The following SRRT variants were observed in gnomAD, a reference collection of about 807,000 sequenced individuals.
The protein encoded by SRRT is serrate RNA effector molecule homolog.
A neutral mutation model predicts 103.2 loss-of-function variants in SRRT; 32 were observed. That is an observed-to-expected ratio of 0.31 (90% CI 0.23 to 0.42). The LOEUF (loss-of-function observed/expected upper bound fraction) is 0.42, where lower values mean the gene tolerates loss of function less well. SRRT is among the 10% of genes least tolerant of loss of function. The probability of loss-of-function intolerance (pLI) is 1.00; values close to 1 mark genes in which losing one functional copy is unlikely to be tolerated. For missense variants in SRRT, 986 were observed against 1,207.5 expected (o/e 0.82, Z 2.72); for synonymous variants, 525 against 449.0 (o/e 1.17, Z -2.14).
In SRRT at chr7:100,884,904, T is replaced by C. The variant is rs763934662; in HGVS notation, c.1042-19T>C. Reference sequence around the variant, plus strand: ...GGTTCTGGCACGCTGACTTGTCCCCTCTGCTGTGGCTCACACAGAGTAGCA... The same window carrying C: ...GGTTCTGGCACGCTGACTTGTCCCCCCTGCTGTGGCTCACACAGAGTAGCA... On this transcript the variant is annotated intron_variant, in intron 8 of 19. Coordinates refer to ENST00000611405, the MANE Select transcript of SRRT (RefSeq NM_015908.6). 2 of 1,613,898 alleles carry C rather than the reference T, an allele frequency of 1.2e-6. No homozygotes were observed. Among genetic ancestry groups the C allele is most frequent in the Non-Finnish European group, 1.7e-6 (2 of 1,179,904 alleles).
chr7:100,884,678 G>A, intron 7 of SRRT, 62 bp from the exon 8 acceptor site: 1 of 1,567,704 alleles, frequency 6.4e-7, no homozygotes, highest in Non-Finnish European at 8.8e-7. Flanking sequence ...GTGGGGGTGG[G>A]GGCCCTCTGA....
In SRRT at chr7:100,888,536, T is replaced by C. The variant is rs1790416611; in HGVS notation, c.2618T>C (p.Val873Ala). The C allele has an allele frequency of 3.1e-6, 5 of 1,614,076 alleles. No homozygotes were observed. Among genetic ancestry groups the C allele is most frequent in the Non-Finnish European group, 4.2e-6 (5 of 1,180,036 alleles). ...EYRDLDAPDDVDFF is the reference protein window; with the variant it reads ...EYRDLDAPDDADFF ...CGGGACCTGGATGCCCCAGACGATG[T>C]TGATTTCTTTTGAGCCGTCCCCCGT... Residue 873 changes from valine (V) to alanine (A), a missense_variant, in exon 20 of 20, where the codon GTT becomes GCT. Physicochemically the swap from Val to Ala is moderately conservative, Grantham distance 64 (BLOSUM62 0). This residue lies in a region of SRRT where 178 missense variants were observed against 189.6 expected (regional missense o/e 0.94). Transcript: ENST00000611405.
At chr7:100,883,022 CCCA>C (rs906023146) in intron 5 of SRRT, 1 of 152,272 alleles carries the variant, frequency 6.6e-6, no homozygotes, top group African/African-American at 2.4e-5. Context: ...CAGCCGGTGG[CCCA>C]CCAGCCAGCA....
chr7:100,881,791 G>C lies in SRRT; in HGVS notation c.384G>C (p.Leu128=), dbSNP rs1320235003. Residue 128 remains leucine, a synonymous_variant, in exon 4 of 20, where the codon CTG becomes CTC. Transcript: ENST00000611405. The stretch of plus-strand genomic sequence containing the variant: ...TCCACATCATGCAGCACCATGTCCT[G>C]CCTATCCAGGCCAGGTAAGGGTGGG... ...PDVHIMQHHV[L]PIQARLGSIA... 1 of 1,608,650 alleles carries C rather than the reference G, an allele frequency of 6.2e-7. No individual in the cohort carries two copies. The highest frequency in any genetic ancestry group is 8.5e-7 in the Non-Finnish European group (1 of 1,178,022).
At position 100,885,830 on chromosome 7, in the gene SRRT, C is replaced by A; in HGVS notation, c.1380-33C>A. On this transcript the variant is annotated intron_variant, in intron 11 of 19. Transcript: ENST00000611405. The surrounding 1 kb of genome is among the most constrained non-coding windows in gnomAD (Gnocchi z 4.8). The stretch of plus-strand genomic sequence containing the variant: ...TTAATGGCCAACACCAACTCCCTCG[C>A]TTGACTATGCTAACATTTTCTTTCT... The A allele has an allele frequency of 6.2e-7, 1 of 1,613,982 alleles. No homozygotes were observed. Among genetic ancestry groups the A allele is most frequent in the Non-Finnish European group, 8.5e-7 (1 of 1,179,868 alleles).
intron 2 of SRRT, among the ~76,000 whole-genome samples, chr7:100,877,801 C>T (rs1056540430): frequency 3.3e-5 from 5 of 151,982 alleles, no homozygotes; most frequent in African/African-American, 4.8e-5. Context: ...ATTACAGGCC[C>T]GCGTTAGTTG....
intron 1 of SRRT, 30 bp from the exon 2 acceptor site, chr7:100,875,543 C>A (rs764097768): frequency 1.9e-6 from 3 of 1,610,852 alleles, no homozygotes; most frequent in Non-Finnish European, 2.5e-6. Flanking sequence ...TCCTTTTGCA[C>A]CACTCCTACC....
At chr7:100,884,035 CTGTTT>C (rs754206149) in intron 5 of SRRT, 30 bp from the exon 6 acceptor site, 2 of 1,517,340 alleles carry the variant, frequency 1.3e-6, no homozygotes, top group East Asian at 2.5e-5. Flanking sequence ...CTTCCAATAA[CTGTTT>C]TGTCTTTCCC....
chr7:100,886,657 CAA>C (rs1277113290), intron 13 of SRRT, 136 bp from the exon 14 acceptor site: 14 of 1,095,192 alleles, frequency 1.3e-5, no homozygotes, highest in Middle Eastern at 2.4e-4. Context: ...AAAATAAAGA[CAA>C]ATCTCAAGGG....
At chr7:100,880,671 A>T (rs1400747544) in intron 2 of SRRT, 3 of 420,550 alleles carry the variant, frequency 7.1e-6, no homozygotes, top group Admixed American at 5.2e-5. Flanking sequence ...GATGATTTTT[A>T]AAAAGTTTTC....
rs535508637 is a variant in SRRT, at chr7:100,885,559, C to T, written c.1318-142C>T. The stretch of plus-strand genomic sequence containing the variant: ...GCTTTCAGGTGCTGGTGTTCTGAAG[C>T]CCTTTAGTGGTTTTTCCCTGCCCAA... On this transcript the variant is annotated intron_variant, in intron 10 of 19. Coordinates refer to ENST00000611405, the MANE Select transcript of SRRT (RefSeq NM_015908.6). This position sits in a 1 kb window ranked among gnomAD's most constrained non-coding sequence, Gnocchi z 4.8. The T allele has an allele frequency of 1.4e-5, 15 of 1,101,312 alleles. No individual in the cohort carries two copies. In the East Asian group the frequency reaches 1.6e-4, roughly 11 times the overall value. 68.2% of individuals were successfully genotyped at this position (1,101,312 alleles called of 1,614,324 possible). A position where few individuals can be genotyped will look rare whatever the true frequency, so the allele number is the denominator to read the frequency against.
rs1357688571 is a variant in SRRT, at chr7:100,887,160, TC to T, written c.1936del (p.Arg646GlyfsTer29). The T allele has an allele frequency of 6.2e-7, 1 of 1,614,094 alleles. No individual in the cohort carries two copies. The highest frequency in any genetic ancestry group is 1.3e-5 in the African/African-American group (1 of 74,932). On this transcript the variant is annotated frameshift_variant, in exon 15 of 20. Coordinates refer to ENST00000611405, the MANE Select transcript of SRRT (RefSeq NM_015908.6). LOFTEE classifies it high-confidence loss of function. The surrounding 1 kb of genome is among the most constrained non-coding windows in gnomAD (Gnocchi z 4.1). ...MPNRCGIIHV[R>X]GPMPPNRISH... ...CCAATCGCTGTGGGATCATCCACGT[TC>T]GGGGGCCCATGCCACCCAACCGCAT...
chr7:100,887,374 G>A lies in SRRT; in HGVS notation c.2030G>A (p.Arg677Gln), dbSNP rs368050045. 37 of 1,614,140 alleles carry A rather than the reference G, an allele frequency of 2.3e-5. No individual in the cohort carries two copies. The highest frequency in any genetic ancestry group is 2.9e-5 in the Non-Finnish European group (34 of 1,180,024). The change falls in exon 16 of 20, where the codon CGG (arginine) becomes CAG (glutamine). Residue 677 changes from arginine to glutamine, a missense_variant. Transcript: ENST00000611405. The surrounding 1 kb of genome is among the most constrained non-coding windows in gnomAD (Gnocchi z 4.1). ...AAGCTCACGCCGTTGCTGAGTGTGC[G>A]GGAGTCACTCTCAGAGGAAGAGGCC... ...EEKLTPLLSV[R>Q]ESLSEEEAQK... is the part of the protein sequence containing the mutation.
chr7:100,886,510 A>G lies in SRRT; in HGVS notation c.1647+75A>G, dbSNP rs1234596017. On this transcript the variant is annotated intron_variant, in intron 13 of 19. Coordinates refer to ENST00000611405, the MANE Select transcript of SRRT (RefSeq NM_015908.6). ...GCTGTGGGCACCTCTGACCTTACCT[A>G]TCTGTAGCCTTGAACCCTTGCACCC... The G allele has an allele frequency of 3.3e-5, 48 of 1,443,784 alleles. No homozygotes were observed. In the Admixed American group the frequency reaches 5.5e-4, roughly 17 times the overall value. The allele number at this position is 1,443,784 out of a possible 1,614,324, so 89.4% of individuals were successfully genotyped here.
intron 12 of SRRT, 103 bp downstream of exon 12, chr7:100,886,044 ACT>A: frequency 7.0e-7 from 1 of 1,421,148 alleles, no homozygotes; most frequent in East Asian, 2.3e-5. Flanking sequence ...TGTTCTGCAC[ACT>A]CTTTGACCGT....
At chr7:100,883,389 T>G (rs556572394) in intron 5 of SRRT, among the ~76,000 whole-genome samples, 83 of 152,198 alleles carry the variant, frequency 5.5e-4, no homozygotes, top group Non-Finnish European at 1.0e-3. Context: ...CCTCATTTCT[T>G]CTGTTTTCCC....
At position 100,875,535 on chromosome 7, in the gene SRRT, C is replaced by T. The variant is rs185998680; in HGVS notation, c.-18-38C>T. 4 of 1,607,824 alleles carry T rather than the reference C, an allele frequency of 2.5e-6. No homozygotes were observed. In the South Asian group the frequency reaches 3.3e-5, roughly 13 times the overall value. On this transcript the variant is annotated intron_variant, in intron 1 of 19. Coordinates refer to ENST00000611405, the MANE Select transcript of SRRT (RefSeq NM_015908.6). ...GGGACGGTCCCTTCCTCCGCTCGTC[C>T]TTTTGCACCACTCCTACCGCCTCTC...
chr7:100,876,792 C>T (rs188520013), intron 2 of SRRT, among the ~76,000 whole-genome samples: 6 of 152,234 alleles, frequency 3.9e-5, no homozygotes, highest in Admixed American at 2.6e-4. Context: ...GGGAACAGAT[C>T]TCTAAAGGAG....
At chr7:100,881,900 C>T in intron 4 of SRRT, 95 bp downstream of exon 4, 1 of 1,494,198 alleles carries the variant, frequency 6.7e-7, no homozygotes, top group Non-Finnish European at 9.0e-7. Flanking sequence ...GGGTCAGGCA[C>T]ACAGAGGCAT....
Sources: gnomAD v4.1 joint callset for allele counts (sites outside exome capture counted in the v4.1 genomes callset) on GRCh38, gnomAD v4.1.1 for gene constraint, gnomAD v4.1.1 regional missense constraint, Gnocchi (gnomAD v3.1) non-coding constraint, MANE v1.5 for transcripts, NCBI Gene and HGNC (gene_info 2026-07-23, HGNC 2026-07-21) for gene names.